The following MAP3K7CL variants were observed in gnomAD, a reference collection of about 807,000 sequenced individuals.
MAP3K7CL encodes the protein MAP3K7 C-terminal like, also known as MAP3K7 C-terminal-like protein.
A neutral mutation model predicts 18.6 loss-of-function variants in MAP3K7CL; 16 were observed. The ratio of observed to expected loss-of-function variants is 0.86; its 90% confidence interval spans 0.58 to 1.31. The LOEUF is 1.31. Among genes scored for constraint, MAP3K7CL ranks in the 50% most tolerant of loss-of-function variants. MAP3K7CL has a pLI of 0.00. For synonymous variants in MAP3K7CL, 65 were observed against 66.8 expected (o/e 0.97, Z 0.13); for missense variants, 163 against 174.4 (o/e 0.93, Z 0.37).
At chr21:29,117,565 G>A (rs1230755082) in intron 4 of MAP3K7CL, among the ~76,000 whole-genome samples, 1 of 152,180 alleles carries the variant, frequency 6.6e-6, no homozygotes, top group Non-Finnish European at 1.5e-5. Flanking sequence ...GCCTTATTAG[G>A]CCCCAGTGAT....
At position 29,133,365 on chromosome 21, in the gene MAP3K7CL, A is replaced by T; in HGVS notation, c.21A>T (p.Val7=). 3 of 1,550,500 alleles carry T rather than the reference A, an allele frequency of 1.9e-6. No homozygotes were observed. The highest frequency in any genetic ancestry group is 2.6e-6 in the Non-Finnish European group (3 of 1,146,922). Residue 7 remains valine, a synonymous_variant, in exon 2 of 5, where the codon GTA becomes GTT. Transcript: ENST00000399928. ...CCCACATGATCAGCACAGCCAGGGTACCTGCTGACAAGCCTGTACGCATCG... is the reference window on the plus strand; with the variant it reads ...CCCACATGATCAGCACAGCCAGGGTTCCTGCTGACAAGCCTGTACGCATCG... MISTAR[V]PADKPVRIAF...
chr21:29,134,499 A>G (rs922263975), intron 2 of MAP3K7CL, among the ~76,000 whole-genome samples: 1 of 152,194 alleles, frequency 6.6e-6, no homozygotes, highest in African/African-American at 2.4e-5. Context: ...AGTTTCCTAG[A>G]CTGTTAGCCT....
chr21:29,147,652 C>T (rs942148570), intron 2 of MAP3K7CL, among the ~76,000 whole-genome samples: 6 of 148,318 alleles, frequency 4.0e-5, no homozygotes, highest in African/African-American at 1.2e-4. Flanking sequence ...TATGTGTGTA[C>T]TGTATATGTA....
intron 4 of MAP3K7CL, among the ~76,000 whole-genome samples, chr21:29,113,730 G>T (rs2086458573): frequency 6.6e-6 from 1 of 152,068 alleles, no homozygotes; most frequent in African/African-American, 2.4e-5. Flanking sequence ...CACCATGTTG[G>T]TCAGAGTGGT....
chr21:29,146,949 C>T (rs1451021159), intron 2 of MAP3K7CL, among the ~76,000 whole-genome samples: 1 of 152,140 alleles, frequency 6.6e-6, no homozygotes, highest in Non-Finnish European at 1.5e-5. Flanking sequence ...TTATTCTGGA[C>T]TGTACTATCA....
chr21:29,128,881 C>T (rs1394353045), upstream of MAP3K7CL, among the ~76,000 whole-genome samples: 2 of 151,984 alleles, frequency 1.3e-5, no homozygotes, highest in Non-Finnish European at 2.9e-5. Context: ...TTATTATAAC[C>T]ATAAAATAAT....
intron 3 of MAP3K7CL, among the ~76,000 whole-genome samples, chr21:29,155,784 G>A (rs1444752411): frequency 6.6e-6 from 1 of 152,184 alleles, no homozygotes; most frequent in Non-Finnish European, 1.5e-5. Flanking sequence ...GGGCGAGGAG[G>A]AAGTATCTCC....
At chr21:29,118,866 G>T (rs1317050730) in intron 4 of MAP3K7CL, among the ~76,000 whole-genome samples, 1 of 152,242 alleles carries the variant, frequency 6.6e-6, no homozygotes, top group Non-Finnish European at 1.5e-5. Flanking sequence ...ATGCGCATAT[G>T]TTAAGGAGTC....
At chr21:29,107,914 C>CT (rs371810407) in intron 4 of MAP3K7CL, among the ~76,000 whole-genome samples, 297 of 152,282 alleles carry the variant, frequency 2.0e-3, no homozygotes, top group African/African-American at 6.8e-3. Context: ...GTATGTCTTG[C>CT]TGTTATCTCT....
chr21:29,148,140 T>C (rs890694534), intron 2 of MAP3K7CL, among the ~76,000 whole-genome samples: 2 of 152,012 alleles, frequency 1.3e-5, no homozygotes, highest in African/African-American at 4.8e-5. Context: ...TTTATATGTA[T>C]GTACTGTATA....
At chr21:29,120,706 T>C (rs908464568) in intron 4 of MAP3K7CL, among the ~76,000 whole-genome samples, 1 of 151,972 alleles carries the variant, frequency 6.6e-6, no homozygotes, top group Admixed American at 6.6e-5. Context: ...CTTTCTTTCC[T>C]TTCTCTCCTT....
chr21:29,088,988 G>A (rs887106528), intron 1 of MAP3K7CL, among the ~76,000 whole-genome samples: 1 of 151,908 alleles, frequency 6.6e-6, no homozygotes, highest in Admixed American at 6.6e-5. Context: ...TGGCCAACAT[G>A]GTGAAACCCC....
chr21:29,170,819 G>A (rs2087808400), intron 4 of MAP3K7CL, among the ~76,000 whole-genome samples: 2 of 151,406 alleles, frequency 1.3e-5, no homozygotes, highest in Admixed American at 6.6e-5. Flanking sequence ...TTGTATTTTC[G>A]GTAGATACAG....
chr21:29,092,699 C>A, intron 4 of MAP3K7CL: 1 of 1,139,696 alleles, frequency 8.8e-7, no homozygotes, highest in Non-Finnish European at 1.3e-6. Context: ...TGGGTCAGAG[C>A]AGGACAATGG....
chr21:29,124,843 T>C (rs1470428671), intron 4 of MAP3K7CL, among the ~76,000 whole-genome samples: 2 of 152,232 alleles, frequency 1.3e-5, no homozygotes, highest in African/African-American at 4.8e-5. Flanking sequence ...GAGTCATCCA[T>C]CCATTTGCAT....
chr21:29,111,687 CTG>C (rs2086423232), intron 4 of MAP3K7CL, among the ~76,000 whole-genome samples: 2 of 152,134 alleles, frequency 1.3e-5, no homozygotes, highest in African/African-American at 4.8e-5. Context: ...AAGCCTAACT[CTG>C]GGGTGAGGAA....
intron 3 of MAP3K7CL, among the ~76,000 whole-genome samples, chr21:29,150,920 C>T (rs2087256798): frequency 6.6e-6 from 1 of 151,886 alleles, no homozygotes; most frequent in Non-Finnish European, 1.5e-5. Flanking sequence ...CAGGCATGTG[C>T]CACCACGCCC....
At chr21:29,077,194 C>T (rs1304561782), upstream of MAP3K7CL, among the ~76,000 whole-genome samples, 1 of 152,262 alleles carries the variant, frequency 6.6e-6, no homozygotes, top group East Asian at 1.9e-4. Flanking sequence ...GCCGTGAGCC[C>T]ACACTCCTCA....
chr21:29,133,401 C>T lies in MAP3K7CL; in HGVS notation c.57C>T (p.Leu19=), dbSNP rs893290502. Residue 19 remains leucine (L), a synonymous_variant, in exon 2 of 5, where the codon CTC becomes CTT. Transcript: ENST00000399928. ...ADKPVRIAFS[L]NDASDDTPPE... is the part of the protein sequence containing the mutation. Reference sequence around the variant, plus strand: ...AGCCTGTACGCATCGCCTTTAGCCTCAATGACGCCTCAGGTATACTCTGCT... The same window carrying T: ...AGCCTGTACGCATCGCCTTTAGCCTTAATGACGCCTCAGGTATACTCTGCT... The T allele has an allele frequency of 1.1e-5, 17 of 1,547,794 alleles. No homozygotes were observed. The highest frequency in any genetic ancestry group is 4.8e-5 in the South Asian group (4 of 83,706).
Sources: gnomAD v4.1 joint callset for allele counts (sites outside exome capture counted in the v4.1 genomes callset) on GRCh38, gnomAD v4.1.1 for gene constraint, MANE v1.5 for transcripts, NCBI Gene and HGNC (gene_info 2026-07-23, HGNC 2026-07-21) for gene names.